Variants in SLC24A2 observed in about 807,000 individuals in gnomAD.
SLC24A2 encodes solute carrier family 24 member 2.
A neutral mutation model predicts 62.0 loss-of-function variants in SLC24A2; 36 were observed. The observed-to-expected ratio is 0.58, with a 90% CI of 0.44 to 0.77. SLC24A2 has a LOEUF of 0.77. Ranked by LOEUF, SLC24A2 falls within the 30% of genes least tolerant of loss-of-function variation. SLC24A2 has a pLI of 0.00. For synonymous variants in SLC24A2, 358 were observed against 294.0 expected (o/e 1.22, Z -2.23); for missense variants, 846 against 817.9 (o/e 1.03, Z -0.42).
At chr9:19,919,393 T>A in the SLC24A2 span, among the ~76,000 whole-genome samples, 1 of 152,116 alleles carries the variant, frequency 6.6e-6, no homozygotes, top group East Asian at 1.9e-4. Flanking sequence ...TGTGCTTTTA[T>A]TGCTACAGTC....
intron 2 of SLC24A2, among the ~76,000 whole-genome samples, chr9:19,623,770 C>T (rs1053310230): frequency 6.6e-6 from 1 of 152,148 alleles, no homozygotes; most frequent in African/African-American, 2.4e-5. Context: ...ATTCTGGAGT[C>T]AATACCAATG....
At chr9:19,524,094 A>G (rs1586887396) in intron 9 of SLC24A2, among the ~76,000 whole-genome samples, 1 of 150,222 alleles carries the variant, frequency 6.7e-6, no homozygotes, top group East Asian at 2.0e-4. Flanking sequence ...AGCTTTTAAT[A>G]GAAAGAACAT....
chr9:19,745,197 GC>G (rs1199500270), intron 2 of SLC24A2, among the ~76,000 whole-genome samples: 1 of 152,140 alleles, frequency 6.6e-6, no homozygotes, highest in African/African-American at 2.4e-5. Flanking sequence ...TTAGCCTTCT[GC>G]CATGGTTGAA....
At chr9:20,287,202 C>A in the SLC24A2 span, among the ~76,000 whole-genome samples, 1 of 152,226 alleles carries the variant, frequency 6.6e-6, no homozygotes, top group African/African-American at 2.4e-5. Flanking sequence ...TATTCAACTT[C>A]TGTGACTCAG....
At chr9:19,969,178 C>T in the SLC24A2 span, among the ~76,000 whole-genome samples, 2 of 136,278 alleles carry the variant, frequency 1.5e-5, no homozygotes, top group African/African-American at 5.6e-5. Flanking sequence ...CCGCCACCTC[C>T]TTTGCCACAC....
chr9:19,720,138 A>C (rs1379406128), intron 2 of SLC24A2, among the ~76,000 whole-genome samples: 1 of 152,230 alleles, frequency 6.6e-6, no homozygotes, highest in East Asian at 1.9e-4. Flanking sequence ...ATTAAAAGTA[A>C]GTACCAACCT....
chr9:19,946,920 G>C, the SLC24A2 span, among the ~76,000 whole-genome samples: 5 of 151,976 alleles, frequency 3.3e-5, no homozygotes, highest in Non-Finnish European at 4.4e-5. Flanking sequence ...CTAATAAATA[G>C]CTTTCTTCTA....
At chr9:20,227,941 T>C in the SLC24A2 span, among the ~76,000 whole-genome samples, 1 of 152,318 alleles carries the variant, frequency 6.6e-6, no homozygotes, top group South Asian at 2.1e-4. Flanking sequence ...TGTTTCAGTT[T>C]AGCTTCTTGG....
the SLC24A2 span, among the ~76,000 whole-genome samples, chr9:19,874,943 G>C: frequency 7.0e-6 from 1 of 143,340 alleles, no homozygotes; most frequent in Admixed American, 7.4e-5. Flanking sequence ...TAGCTTCAGA[G>C]AGTTAGCTTA....
At chr9:19,908,613 T>C in the SLC24A2 span, among the ~76,000 whole-genome samples, 1 of 152,162 alleles carries the variant, frequency 6.6e-6, no homozygotes, top group Admixed American at 6.5e-5. Context: ...ATCCAGAATC[T>C]ACAATGAACT....
chr9:19,977,458 A>G, the SLC24A2 span, among the ~76,000 whole-genome samples: 1 of 152,130 alleles, frequency 6.6e-6, no homozygotes, highest in Non-Finnish European at 1.5e-5. Flanking sequence ...ATGGTCGTGG[A>G]GCATGAGCTA....
the SLC24A2 span, among the ~76,000 whole-genome samples, chr9:20,198,307 T>C: frequency 6.6e-6 from 1 of 152,252 alleles, no homozygotes; most frequent in Non-Finnish European, 1.5e-5. Flanking sequence ...CTTTATTCTT[T>C]GGAGGCGGGT....
the SLC24A2 span, among the ~76,000 whole-genome samples, chr9:19,911,420 T>C: frequency 3.9e-5 from 6 of 152,192 alleles, no homozygotes; most frequent in African/African-American, 1.2e-4. Flanking sequence ...TATAGTCCTT[T>C]GGGTATATAC....
At chr9:19,894,596 A>T in the SLC24A2 span, among the ~76,000 whole-genome samples, 2 of 152,192 alleles carry the variant, frequency 1.3e-5, no homozygotes, top group Non-Finnish European at 2.9e-5. Context: ...GAGAGCCAAC[A>T]ACTTTCCTAA....
At chr9:19,542,620 C>T (rs7872399) in intron 8 of SLC24A2, among the ~76,000 whole-genome samples, 1 of 152,092 alleles carries the variant, frequency 6.6e-6, no homozygotes, top group Non-Finnish European at 1.5e-5. Context: ...TCAGTGCCTA[C>T]TTTATTGAGA....
At chr9:19,883,703 C>A in the SLC24A2 span, among the ~76,000 whole-genome samples, 2 of 151,990 alleles carry the variant, frequency 1.3e-5, no homozygotes, top group Non-Finnish European at 2.9e-5. Context: ...GTAGCTGGGA[C>A]TACAGGTGCC....
chr9:20,071,635 T>G, the SLC24A2 span, among the ~76,000 whole-genome samples: 845 of 152,270 alleles, frequency 5.5e-3, 5 homozygotes, highest in Non-Finnish European at 7.7e-3. Context: ...CCTCTGCTCA[T>G]ACCACCAGAA....
intron 8 of SLC24A2, among the ~76,000 whole-genome samples, chr9:19,535,220 A>G (rs1301556413): frequency 1.3e-5 from 2 of 151,382 alleles, no homozygotes; most frequent in Non-Finnish European, 2.9e-5. Context: ...TTTTTCTTGT[A>G]AATTTAAGTT....
intron 7 of SLC24A2, among the ~76,000 whole-genome samples, chr9:19,558,090 A>G (rs923441631): frequency 6.6e-6 from 1 of 152,154 alleles, no homozygotes; most frequent in Non-Finnish European, 1.5e-5. Flanking sequence ...GGTGTGAGCT[A>G]CTGTTCCAGG....
Sources: gnomAD v4.1 joint callset for allele counts (sites outside exome capture counted in the v4.1 genomes callset) on GRCh38, gnomAD v4.1.1 for gene constraint, MANE v1.5 for transcripts, NCBI Gene and HGNC (gene_info 2026-07-23, HGNC 2026-07-21) for gene names.